PPP1R13B: variants seen among roughly 807,000 people sequenced by gnomAD.
The protein encoded by PPP1R13B is apoptosis-stimulating of p53 protein 1.
Under a neutral mutation model 119.8 loss-of-function variants are expected in PPP1R13B, and 44 were observed. That is an observed-to-expected ratio of 0.37 (90% CI 0.29 to 0.47). The LOEUF is 0.47. Among genes scored for constraint, PPP1R13B ranks in the 20% least tolerant of loss-of-function variants. The probability of loss-of-function intolerance (pLI) is 0.99; values close to 1 mark genes in which losing one functional copy is unlikely to be tolerated. For synonymous variants in PPP1R13B, 542 were observed against 561.5 expected, an observed-to-expected ratio of 0.97 and a Z score of 0.49; for missense variants, 1,227 against 1,413.5, an observed-to-expected ratio of 0.87 and a Z score of 2.12.
intron 5 of PPP1R13B, 52 bp from the exon 6 acceptor site, chr14:103,754,296 G>A: frequency 6.5e-7 from 1 of 1,545,080 alleles, no homozygotes; most frequent in Non-Finnish European, 8.8e-7. Context: ...TGGGCGCGGT[G>A]GCTCACATCT....
chr14:103,776,192 GGAAGGAAGGA>G lies in PPP1R13B; in HGVS notation c.354+2543_354+2552del, dbSNP rs1567114319. Reference sequence around the variant, plus strand: ...AAGGAGGGAGGGAGGGAGGGAGGAAGGAAGGAAGGAAGGAAGGAAGGAAGGAAGGAAGGAA... The same window carrying G: ...AAGGAGGGAGGGAGGGAGGGAGGAAGAGGAAGGAAGGAAGGAAGGAAGGAA... On this transcript the variant is annotated intron_variant, in intron 4 of 16. Coordinates refer to ENST00000202556, the MANE Select transcript of PPP1R13B (RefSeq NM_015316.3). Among the ~76,000 whole-genome samples, 424 of 112,936 alleles carry G rather than the reference GGAAGGAAGGA, an allele frequency of 3.8e-3. 18 individuals carry two copies. Among genetic ancestry groups the G allele is most frequent in the African/African-American group, 0.013 (407 of 31,084 alleles). 74.1% of individuals were successfully genotyped at this position (112,936 alleles called of 152,430 possible).
intron 1 of PPP1R13B, among the ~76,000 whole-genome samples, chr14:103,802,783 A>C (rs2085931251): frequency 6.6e-6 from 1 of 152,214 alleles, no homozygotes; most frequent in South Asian, 2.1e-4. Flanking sequence ...GGGGAGAGGC[A>C]CGATGACAGG....
At chr14:103,790,229 G>A (rs1375497963) in intron 2 of PPP1R13B, among the ~76,000 whole-genome samples, 1 of 145,164 alleles carries the variant, frequency 6.9e-6, no homozygotes. Context: ...CTGGGATACA[G>A]AGTGAGACCC....
rs1030601721 is a variant in PPP1R13B, at chr14:103,734,873, A to G, written c.*281T>C. 1.9e-6 allele frequency: 1 copy of G among 537,044 alleles called. No homozygotes were observed. The highest frequency in any genetic ancestry group is 3.5e-6 in the Non-Finnish European group (1 of 285,562). 33.3% of individuals were successfully genotyped at this position (537,044 alleles called of 1,614,324 possible). A position where few individuals can be genotyped will look rare whatever the true frequency, so the allele number is the denominator to read the frequency against. On this transcript the variant is annotated 3_prime_UTR_variant, in exon 17 of 17. Coordinates refer to ENST00000202556, the MANE Select transcript of PPP1R13B (RefSeq NM_015316.3). ...CCAACCGGGGGTTATGGGACTTCTTAATGGCAAGAGGGGTGGGTGTTTTGA... is the reference window on the plus strand; with the variant it reads ...CCAACCGGGGGTTATGGGACTTCTTGATGGCAAGAGGGGTGGGTGTTTTGA...
At chr14:103,784,233 C>T (rs766974502) in intron 3 of PPP1R13B, among the ~76,000 whole-genome samples, 1 of 151,692 alleles carries the variant, frequency 6.6e-6, no homozygotes, top group African/African-American at 2.4e-5. Context: ...TGTCTGAGTA[C>T]GTTGTTTAAT....
chr14:103,845,905 T>C (rs1333022622), intron 1 of PPP1R13B, among the ~76,000 whole-genome samples: 1 of 152,218 alleles, frequency 6.6e-6, no homozygotes, highest in Non-Finnish European at 1.5e-5. Context: ...ATAATAAATA[T>C]TTGTATGACA....
At chr14:103,784,148 C>G (rs560844519) in intron 3 of PPP1R13B, among the ~76,000 whole-genome samples, 3 of 152,106 alleles carry the variant, frequency 2.0e-5, no homozygotes, top group Admixed American at 2.0e-4. Context: ...TGTACTCCAG[C>G]CTGGGTGACA....
chr14:103,825,114 C>T (rs560002396), intron 1 of PPP1R13B, among the ~76,000 whole-genome samples: 5 of 152,220 alleles, frequency 3.3e-5, no homozygotes, highest in African/African-American at 7.2e-5. Flanking sequence ...TGGTCTTTAA[C>T]GTTACTATTG....
At chr14:103,802,962 C>A (rs1173557732) in intron 1 of PPP1R13B, among the ~76,000 whole-genome samples, 2 of 152,140 alleles carry the variant, frequency 1.3e-5, no homozygotes, top group African/African-American at 2.4e-5. Context: ...AAGCTAATTT[C>A]ATTATAATCA....
intron 7 of PPP1R13B, 120 bp from the exon 8 acceptor site, chr14:103,750,054 A>G: frequency 2.9e-6 from 3 of 1,017,980 alleles, no homozygotes; most frequent in Non-Finnish European, 4.3e-6. Flanking sequence ...ACATGCATGC[A>G]CTGCCACCTT....
chr14:103,739,088 G>A (rs1014964031), intron 12 of PPP1R13B, 65 bp from the exon 13 acceptor site: 3 of 1,554,534 alleles, frequency 1.9e-6, no homozygotes, highest in African/African-American at 2.7e-5. Context: ...ACCCACGCCT[G>A]CTGGGAAGGA....
upstream of PPP1R13B, chr14:103,848,510 G>A (rs1173932340): frequency 1.0e-6 from 1 of 984,804 alleles, no homozygotes; most frequent in Non-Finnish European, 1.2e-6. Context: ...GACCGCGGCG[G>A]AGAGCAGACA....
rs1178441197 is a variant in PPP1R13B at position 103,738,383 on chromosome 14, C to T, written c.2864+296G>A. ...GAGCACAGAGTGTGAAGAGTCCATA[C>T]GGAACATATGAGAAGGGGAAGATGG... On this transcript the variant is annotated intron_variant, in intron 14 of 16. Transcript: ENST00000202556. The surrounding 1 kb of genome is among the most constrained non-coding windows in gnomAD (Gnocchi z 5.6). 17 of 436,450 alleles carry T rather than the reference C, an allele frequency of 3.9e-5. No homozygotes were observed. Among genetic ancestry groups the T allele is most frequent in the African/African-American group, 8.0e-5 (4 of 49,980 alleles). The allele number at this position is 436,450 out of a possible 1,614,324, so 27.0% of individuals were successfully genotyped here. A position where few individuals can be genotyped will look rare whatever the true frequency, so the allele number is the denominator to read the frequency against.
chr14:103,750,351 G>A (rs1025910806), intron 7 of PPP1R13B, among the ~76,000 whole-genome samples: 3 of 152,218 alleles, frequency 2.0e-5, no homozygotes, highest in Non-Finnish European at 4.4e-5. Context: ...GTCACCAAGT[G>A]AAGCACCTTT....
Position 103,740,542 on chromosome 14 carries a change from G to A in PPP1R13B, c.1874C>T (p.Pro625Leu), listed in dbSNP as rs767267274. 5 of 1,568,584 alleles carry A rather than the reference G, an allele frequency of 3.2e-6. No homozygotes were observed. Among genetic ancestry groups the A allele is most frequent in the African/African-American group, 1.4e-5 (1 of 73,674 alleles). The change falls in exon 12 of 17, where the codon CCG (proline) becomes CTG (leucine). Residue 625 changes from proline to leucine, a missense_variant. Coordinates refer to ENST00000202556, the MANE Select transcript of PPP1R13B (RefSeq NM_015316.3). The surrounding 1 kb of genome is among the most constrained non-coding windows in gnomAD (Gnocchi z 4.6). Reference protein sequence around the residue: ...PSGSTSPSPLPFLHGSLSTGT... With the variant: ...PSGSTSPSPLLFLHGSLSTGT... Reference sequence around the variant, plus strand: ...CGTGGACAGTGACCCGTGAAGAAACGGCAGCGGCGATGGAGAGGTTGAACC... The same window carrying A: ...CGTGGACAGTGACCCGTGAAGAAACAGCAGCGGCGATGGAGAGGTTGAACC...
intron 2 of PPP1R13B, among the ~76,000 whole-genome samples, chr14:103,785,873 T>G (rs1424903529): frequency 1.3e-5 from 2 of 152,144 alleles, no homozygotes; most frequent in African/African-American, 4.8e-5. Context: ...TCTTAAAATG[T>G]CAGGCGTGGC....
rs1237929699 is a variant in PPP1R13B, at chr14:103,754,175, G to T, written c.526C>A (p.Leu176Ile). The change falls in exon 6 of 17, where the codon CTT (leucine) becomes ATT (isoleucine). Residue 176 changes from leucine (L) to isoleucine (I), a missense_variant. Coordinates refer to ENST00000202556, the MANE Select transcript of PPP1R13B (RefSeq NM_015316.3). The part of the protein sequence containing the change: ...QQQSISENEK[L>I]QKLKERVEAQ... ...TCAACTCGTTCTTTCAATTTCTGAA[G>T]CTTTTCATTTTCAGAAATAGACTGC... The T allele has an allele frequency of 6.2e-7, 1 of 1,613,990 alleles. No individual in the cohort carries two copies. The highest frequency in any genetic ancestry group is 1.7e-5 in the Admixed American group (1 of 59,978).
intron 1 of PPP1R13B, among the ~76,000 whole-genome samples, chr14:103,828,950 C>T (rs1319303291): frequency 6.6e-6 from 1 of 152,108 alleles, no homozygotes; most frequent in Non-Finnish European, 1.5e-5. Context: ...AAATAGTAAT[C>T]TTTTTATATT....
chr14:103,758,225 C>G (rs2084722690), intron 4 of PPP1R13B, among the ~76,000 whole-genome samples: 1 of 152,202 alleles, frequency 6.6e-6, no homozygotes, highest in Non-Finnish European at 1.5e-5. Flanking sequence ...ATATGCATGA[C>G]TTACATGAAG....
Sources: allele counts gnomAD v4.1 joint callset (sites outside exome capture counted in the v4.1 genomes callset), GRCh38; gene constraint gnomAD v4.1.1; non-coding constraint Gnocchi (gnomAD v3.1); transcripts MANE v1.5; gene names NCBI Gene and HGNC (gene_info 2026-07-23, HGNC 2026-07-21).